Variants in KLHL1 observed in about 807,000 individuals in gnomAD.
The protein encoded by KLHL1 is kelch-like protein 1.
KLHL1 carries 47 observed loss-of-function variants against 77.7 expected under a neutral mutation model. The observed-to-expected ratio is 0.60, with a 90% CI of 0.48 to 0.77. KLHL1 has a LOEUF of 0.77. Among genes scored for constraint, KLHL1 ranks in the 30% least tolerant of loss-of-function variants. KLHL1 has a pLI of 0.00. For missense variants in KLHL1, 925 were observed against 910.8 expected (o/e 1.02, Z -0.20); for synonymous variants, 360 against 325.2 (o/e 1.11, Z -1.15).
chr13:69,886,925 G>C (rs147437541), intron 4 of KLHL1, among the ~76,000 whole-genome samples: 14 of 152,218 alleles, frequency 9.2e-5, no homozygotes, highest in African/African-American at 3.1e-4. Context: ...CAATGCACCA[G>C]AGGATATAGA....
intron 7 of KLHL1, among the ~76,000 whole-genome samples, chr13:69,795,573 G>C (rs1877067909): frequency 6.6e-6 from 1 of 152,070 alleles, no homozygotes; most frequent in South Asian, 2.1e-4. Flanking sequence ...TTATTAAATT[G>C]TTCTTTATAA....
intron 5 of KLHL1, among the ~76,000 whole-genome samples, chr13:69,843,952 A>G (rs1261248116): frequency 6.6e-6 from 1 of 151,762 alleles, no homozygotes; most frequent in African/African-American, 2.4e-5. Flanking sequence ...GCAATAGACT[A>G]ATGTTATTGA....
At chr13:70,015,617 G>T (rs1324938243) in intron 1 of KLHL1, among the ~76,000 whole-genome samples, 1 of 152,122 alleles carries the variant, frequency 6.6e-6, no homozygotes, top group African/African-American at 2.4e-5. Context: ...TACATGAGAT[G>T]TTGAATATTT....
chr13:69,711,120 G>A (rs1875856496), intron 9 of KLHL1, among the ~76,000 whole-genome samples: 1 of 151,948 alleles, frequency 6.6e-6, no homozygotes, highest in Non-Finnish European at 1.5e-5. Context: ...ATACTTTAAG[G>A]ATAATAATCG....
chr13:69,984,662 G>C (rs1884813186), intron 1 of KLHL1, among the ~76,000 whole-genome samples: 1 of 152,138 alleles, frequency 6.6e-6, no homozygotes, highest in East Asian at 1.9e-4. Context: ...CTTCAGGAGA[G>C]AGAGTTATTT....
chr13:70,000,923 T>A (rs1885272271), intron 1 of KLHL1, among the ~76,000 whole-genome samples: 1 of 117,010 alleles, frequency 8.5e-6, no homozygotes, highest in Non-Finnish European at 1.7e-5. Flanking sequence ...AAATATAACT[T>A]ACAGAAAAAA....
At chr13:69,939,107 A>G (rs1480478041) in intron 4 of KLHL1, among the ~76,000 whole-genome samples, 2 of 151,322 alleles carry the variant, frequency 1.3e-5, no homozygotes, top group East Asian at 1.9e-4. Context: ...GCATTGATAC[A>G]GGGCGTCTAT....
chr13:69,968,034 A>T (rs1168524486), intron 2 of KLHL1, among the ~76,000 whole-genome samples: 8 of 152,156 alleles, frequency 5.3e-5, no homozygotes, highest in Non-Finnish European at 1.0e-4. Flanking sequence ...CTATATGTAT[A>T]TAAAAAAATT....
chr13:69,890,604 T>C (rs1881389134), intron 4 of KLHL1, among the ~76,000 whole-genome samples: 2 of 151,726 alleles, frequency 1.3e-5, no homozygotes, highest in African/African-American at 2.4e-5. Context: ...TTATCACCTT[T>C]GTAAATCCTT....
chr13:69,841,348 GATAA>G (rs1879255862), intron 5 of KLHL1, among the ~76,000 whole-genome samples: 1 of 151,588 alleles, frequency 6.6e-6, no homozygotes, highest in Non-Finnish European at 1.5e-5. Flanking sequence ...CAGTAGGTTT[GATAA>G]ATAAAGTTGC....
intron 1 of KLHL1, among the ~76,000 whole-genome samples, chr13:70,080,886 G>T (rs571865792): frequency 6.6e-6 from 1 of 152,000 alleles, no homozygotes; most frequent in African/African-American, 2.4e-5. Flanking sequence ...GAGCCACCAC[G>T]CCTGGCTCTT....
Position 69,961,315 on chromosome 13 carries a change from T to C in KLHL1, c.810A>G (p.Ala270=), listed in dbSNP as rs199778649. ...PNALWDLVQF[A]YTGCLELKED... is the part of the protein sequence containing the mutation. Reference sequence around the variant, plus strand: ...ATAATTATTTTGCCATACCTGTATATGCAAATTGGACAAGGTCCCAGAGAG... The same window carrying C: ...ATAATTATTTTGCCATACCTGTATACGCAAATTGGACAAGGTCCCAGAGAG... The change falls in exon 3 of 11, where the codon GCA becomes GCG. Residue 270 remains alanine (A), a synonymous_variant. Transcript: ENST00000377844. 7.4e-6 allele frequency: 12 copies of C among 1,611,524 alleles called. No homozygotes were observed. The highest frequency in any genetic ancestry group is 1.0e-5 in the Non-Finnish European group (12 of 1,178,296).
intron 9 of KLHL1, among the ~76,000 whole-genome samples, chr13:69,717,941 G>T (rs1872844733): frequency 6.6e-6 from 1 of 152,024 alleles, no homozygotes; most frequent in Admixed American, 6.6e-5. Context: ...CAGCCATAAA[G>T]CTACAGTCCA....
intron 1 of KLHL1, among the ~76,000 whole-genome samples, chr13:70,054,452 A>G (rs1356357126): frequency 5.3e-5 from 8 of 152,034 alleles, no homozygotes; most frequent in Non-Finnish European, 4.4e-5. Flanking sequence ...TAGTAGCCCA[A>G]TGGATATATA....
chr13:69,782,239 G>A (rs9572278), intron 7 of KLHL1, among the ~76,000 whole-genome samples: 36,991 of 152,000 alleles, frequency 0.24, 4,577 homozygotes, highest in South Asian at 0.34. Context: ...CGTGAGCGAC[G>A]CAGAAGATGG....
At chr13:69,951,211 T>C (rs1883697194) in intron 3 of KLHL1, among the ~76,000 whole-genome samples, 1 of 151,492 alleles carries the variant, frequency 6.6e-6, no homozygotes, top group African/African-American at 2.4e-5. Flanking sequence ...TGAATTTGAA[T>C]GCCTTTCCCA....
chr13:69,784,043 G>T (rs1566249072), intron 7 of KLHL1, among the ~76,000 whole-genome samples: 2 of 152,102 alleles, frequency 1.3e-5, no homozygotes, highest in African/African-American at 4.8e-5. Context: ...CATTCTTAAA[G>T]AAAAGAATTT....
chr13:70,082,311 T>TCTCA (rs1166864536), intron 1 of KLHL1, among the ~76,000 whole-genome samples: 38 of 111,024 alleles, frequency 3.4e-4, no homozygotes, highest in Non-Finnish European at 6.1e-4. Context: ...CTTGGACCTG[T>TCTCA]CACACACACA....
At chr13:69,971,650 A>G (rs1884384483) in intron 2 of KLHL1, among the ~76,000 whole-genome samples, 1 of 151,964 alleles carries the variant, frequency 6.6e-6, no homozygotes, top group South Asian at 2.1e-4. Flanking sequence ...ACTCTATCAT[A>G]TACTACTCAT....
Sources: allele counts gnomAD v4.1 joint callset (sites outside exome capture counted in the v4.1 genomes callset), GRCh38; gene constraint gnomAD v4.1.1; transcripts MANE v1.5; gene names NCBI Gene and HGNC (gene_info 2026-07-23, HGNC 2026-07-21).